The following GRID2 variants were observed in gnomAD, a reference collection of about 807,000 sequenced individuals.
GRID2 encodes the protein glutamate ionotropic receptor delta type subunit 2.
GRID2 carries 33 observed loss-of-function variants against 114.8 expected under a neutral mutation model. The observed-to-expected ratio is 0.29, with a 90% CI of 0.22 to 0.38. The LOEUF (loss-of-function observed/expected upper bound fraction) is 0.38, where lower values mean the gene tolerates loss of function less well. GRID2 is among the 10% of genes least tolerant of loss of function. The pLI, the probability that GRID2 is intolerant of heterozygous loss-of-function variation, is 1.00. For synonymous variants in GRID2, 505 were observed against 449.9 expected (o/e 1.12, Z -1.55); for missense variants, 1,184 against 1,257.7 (o/e 0.94, Z 0.89).
At chr4:92,564,765 A>G (rs1727256026) in intron 1 of GRID2, among the ~76,000 whole-genome samples, 1 of 152,190 alleles carries the variant, frequency 6.6e-6, no homozygotes, top group African/African-American at 2.4e-5. Flanking sequence ...TTTGTGAAAC[A>G]TGTTGAAATT....
At chr4:93,439,711 C>T (rs531735230) in intron 10 of GRID2, among the ~76,000 whole-genome samples, 9 of 151,882 alleles carry the variant, frequency 5.9e-5, no homozygotes, top group South Asian at 2.1e-4. Context: ...ATTTTTGCTG[C>T]GAGGGGAAAT....
At chr4:92,345,592 G>T (rs562997135) in intron 1 of GRID2, among the ~76,000 whole-genome samples, 1 of 152,046 alleles carries the variant, frequency 6.6e-6, no homozygotes, top group East Asian at 1.9e-4. Context: ...CACCTTTAAT[G>T]GTTAAATATT....
intron 8 of GRID2, among the ~76,000 whole-genome samples, chr4:93,356,256 A>T (rs945444213): frequency 1.3e-5 from 2 of 152,058 alleles, no homozygotes; most frequent in Non-Finnish European, 2.9e-5. Context: ...CATTGTTATC[A>T]AGTATAGAAT....
At chr4:92,778,421 AT>A (rs1360598813) in intron 2 of GRID2, among the ~76,000 whole-genome samples, 1 of 151,990 alleles carries the variant, frequency 6.6e-6, no homozygotes, top group Admixed American at 6.6e-5. Flanking sequence ...CCTGATCTCA[AT>A]TTTATTTTGC....
At chr4:92,935,196 A>AAAC (rs1750565707) in intron 2 of GRID2, among the ~76,000 whole-genome samples, 1 of 141,990 alleles carries the variant, frequency 7.0e-6, no homozygotes. Context: ...TTACAAGAAA[A>AAAC]AAACAACCCC....
chr4:92,709,589 A>AAAATATATATATAT (rs779775767), intron 2 of GRID2, among the ~76,000 whole-genome samples: 23 of 114,628 alleles, frequency 2.0e-4, no homozygotes, highest in African/African-American at 7.2e-4. Flanking sequence ...AAAAAAAAAA[A>AAAATATATATATAT]ATATATATAT....
chr4:93,459,005 C>T (rs1723468865), intron 11 of GRID2, among the ~76,000 whole-genome samples: 1 of 151,702 alleles, frequency 6.6e-6, no homozygotes. Context: ...CATGGTGAAA[C>T]ACCATCTCTG....
chr4:92,869,001 A>G (rs2033585), intron 2 of GRID2, among the ~76,000 whole-genome samples: 59,525 of 151,936 alleles, frequency 0.39, 12,041 homozygotes, highest in Admixed American at 0.54. Flanking sequence ...TAGGATGATA[A>G]GTATATACAA....
chr4:92,314,266 A>G (rs1444137599), intron 1 of GRID2, among the ~76,000 whole-genome samples: 1 of 152,102 alleles, frequency 6.6e-6, no homozygotes, highest in Non-Finnish European at 1.5e-5. Context: ...TACATTTTAC[A>G]TAGTATTGCT....
chr4:93,124,050 T>C (rs1471035230), intron 4 of GRID2, among the ~76,000 whole-genome samples: 1 of 147,922 alleles, frequency 6.8e-6, no homozygotes, highest in Non-Finnish European at 1.5e-5. Flanking sequence ...GGCACATGTA[T>C]ACATATGTAA....
At chr4:93,301,961 G>C (rs1425321762) in intron 8 of GRID2, among the ~76,000 whole-genome samples, 2 of 152,016 alleles carry the variant, frequency 1.3e-5, no homozygotes, top group African/African-American at 4.8e-5. Context: ...AAGCTATGAA[G>C]TATACAAAGA....
chr4:93,113,952 T>C (rs1733006758), intron 4 of GRID2, among the ~76,000 whole-genome samples: 1 of 152,082 alleles, frequency 6.6e-6, no homozygotes, highest in Non-Finnish European at 1.5e-5. Flanking sequence ...GAGGTGGGTG[T>C]GTTGACCACC....
chr4:92,696,073 A>G (rs1341593578), intron 2 of GRID2, among the ~76,000 whole-genome samples: 2 of 152,142 alleles, frequency 1.3e-5, no homozygotes, highest in Admixed American at 6.6e-5. Context: ...AATTTATAGT[A>G]TATGTTCAGG....
intron 14 of GRID2, among the ~76,000 whole-genome samples, chr4:93,741,177 A>ATATATATATATATATATG (rs1560963491): frequency 1.4e-4 from 4 of 28,974 alleles, no homozygotes; most frequent in Admixed American, 1.3e-3. Flanking sequence ...ATATATACAT[A>ATATATATATATATATATG]TATATATATA....
At chr4:93,530,703 A>G (rs940780449) in intron 13 of GRID2, among the ~76,000 whole-genome samples, 3 of 152,126 alleles carry the variant, frequency 2.0e-5, no homozygotes, top group Non-Finnish European at 4.4e-5. Context: ...TAGATCATAT[A>G]CTATTTTGGG....
At chr4:93,457,432 G>T (rs983260949) in intron 11 of GRID2, among the ~76,000 whole-genome samples, 1 of 151,972 alleles carries the variant, frequency 6.6e-6, no homozygotes, top group African/African-American at 2.4e-5. Context: ...AGCTACATTT[G>T]TTATTATAAG....
chr4:92,716,587 A>G (rs1228682676), intron 2 of GRID2, among the ~76,000 whole-genome samples: 2 of 152,200 alleles, frequency 1.3e-5, no homozygotes, highest in South Asian at 2.1e-4. Flanking sequence ...TTTTATTACT[A>G]CAATCTAATA....
intron 2 of GRID2, among the ~76,000 whole-genome samples, chr4:93,070,126 T>G (rs532194106): frequency 7.9e-4 from 120 of 152,198 alleles, no homozygotes; most frequent in African/African-American, 2.7e-3. Context: ...CCTTTTAAAC[T>G]TGCACAATAC....
At chr4:93,221,600 G>A (rs1333800860) in intron 6 of GRID2, among the ~76,000 whole-genome samples, 1 of 152,164 alleles carries the variant, frequency 6.6e-6, no homozygotes, top group African/African-American at 2.4e-5. Flanking sequence ...ATGAGAGATA[G>A]TTTGGTATTA....
Sources: gnomAD v4.1 joint callset for allele counts (sites outside exome capture counted in the v4.1 genomes callset) on GRCh38, gnomAD v4.1.1 for gene constraint, MANE v1.5 for transcripts, NCBI Gene and HGNC (gene_info 2026-07-23, HGNC 2026-07-21) for gene names.